GALNT17: variants seen among roughly 807,000 people sequenced by gnomAD.
GALNT17 encodes polypeptide N-acetylgalactosaminyltransferase 17, also known as UDP-GalNAc:polypeptide N-acetylgalactosaminyltransferase-like 3.
In GALNT17, 29 loss-of-function variants were observed where a neutral mutation model predicts 63.7. That is an observed-to-expected ratio of 0.46 (90% CI 0.34 to 0.62). The LOEUF (loss-of-function observed/expected upper bound fraction) is 0.62. Among genes scored for constraint, GALNT17 ranks in the 20% least tolerant of loss-of-function variants. The pLI is 0.01. For synonymous variants in GALNT17, 305 were observed against 318.3 expected (o/e 0.96, Z 0.45); for missense variants, 603 against 799.6 (o/e 0.75, Z 2.97).
At position 71,266,684 on chromosome 7, in the gene GALNT17, A is replaced by G. The variant is rs576234762; in HGVS notation, c.239-68866A>G. 3.4e-4 allele frequency among the ~76,000 whole-genome samples: 51 copies of G among 152,206 alleles called. No individual in the cohort carries two copies. In the South Asian group the frequency reaches 8.9e-3, roughly 27 times the overall value. Reference sequence around the variant, plus strand: ...ACAGTTTTTGGGGGTTAGAATGTGGATATCTATAGGGGGTCATGATTGAGC... The same window carrying G: ...ACAGTTTTTGGGGGTTAGAATGTGGGTATCTATAGGGGGTCATGATTGAGC... On this transcript the variant is annotated intron_variant, in intron 1 of 10. Transcript: ENST00000333538.
At chr7:71,413,190 G>A (rs965351824) in intron 3 of GALNT17, among the ~76,000 whole-genome samples, 3 of 152,144 alleles carry the variant, frequency 2.0e-5, no homozygotes. Flanking sequence ...AATAGTGAGA[G>A]CTCACGTCCA....
intron 5 of GALNT17, among the ~76,000 whole-genome samples, chr7:71,451,483 A>G (rs6945351): frequency 0.59 from 89,603 of 151,924 alleles, 27,262 homozygotes; most frequent in Non-Finnish European, 0.66. Context: ...CTCCTTTAAA[A>G]TGAGATTAAT....
At chr7:71,301,057 G>A (rs1394580164) in intron 1 of GALNT17, 1 of 152,140 alleles carries the variant, frequency 6.6e-6, no homozygotes, top group Non-Finnish European at 1.5e-5. Context: ...GGAGGCAGAG[G>A]TGGGAGGATC....
intron 6 of GALNT17, among the ~76,000 whole-genome samples, chr7:71,589,068 G>A (rs1789761464): frequency 6.6e-6 from 1 of 152,140 alleles, no homozygotes; most frequent in Non-Finnish European, 1.5e-5. Context: ...GGAGGTAGCA[G>A]AGAACAGAAT....
At chr7:71,301,815 A>C (rs1042131063) in intron 1 of GALNT17, among the ~76,000 whole-genome samples, 1 of 152,244 alleles carries the variant, frequency 6.6e-6, no homozygotes, top group African/African-American at 2.4e-5. Context: ...CAAAGTACAC[A>C]AAGGCAAAAA....
chr7:71,155,141 T>C (rs1351622236), intron 1 of GALNT17, among the ~76,000 whole-genome samples: 12 of 151,736 alleles, frequency 7.9e-5, no homozygotes, highest in Admixed American at 7.9e-4. Context: ...GTGTAATGGC[T>C]CCCTCCCCGT....
At chr7:71,306,539 A>G (rs1451252698) in intron 1 of GALNT17, among the ~76,000 whole-genome samples, 1 of 152,186 alleles carries the variant, frequency 6.6e-6, no homozygotes, top group Non-Finnish European at 1.5e-5. Flanking sequence ...CTCAAAGTTC[A>G]TTCAAGTTGT....
At chr7:71,237,628 C>T (rs1349744179) in intron 1 of GALNT17, among the ~76,000 whole-genome samples, 3 of 151,876 alleles carry the variant, frequency 2.0e-5, no homozygotes, top group African/African-American at 4.8e-5. Context: ...GAGGCTACTG[C>T]GAGTTATAAT....
At chr7:71,589,041 C>T (rs1268264143) in intron 6 of GALNT17, among the ~76,000 whole-genome samples, 2 of 152,104 alleles carry the variant, frequency 1.3e-5, no homozygotes, top group African/African-American at 4.8e-5. Context: ...GAAACACCAG[C>T]ACTGTTATTA....
intron 1 of GALNT17, among the ~76,000 whole-genome samples, chr7:71,314,085 AC>A (rs549832609): frequency 1.1e-3 from 171 of 152,264 alleles, no homozygotes; most frequent in South Asian, 8.9e-3. Context: ...GGCGAATGTT[AC>A]CCTTCATTCT....
intron 6 of GALNT17, among the ~76,000 whole-genome samples, chr7:71,590,796 C>T (rs1448946336): frequency 3.3e-5 from 5 of 152,056 alleles, no homozygotes; most frequent in South Asian, 2.1e-4. Context: ...GGCTCGATCT[C>T]GGCTCACTGG....
At chr7:71,632,300 G>A (rs904598615) in intron 6 of GALNT17, among the ~76,000 whole-genome samples, 3 of 152,164 alleles carry the variant, frequency 2.0e-5, no homozygotes, top group Non-Finnish European at 2.9e-5. Context: ...GGTGCCGGGA[G>A]CACTGGGATC....
chr7:71,223,260 G>A (rs1401273275), intron 1 of GALNT17, among the ~76,000 whole-genome samples: 1 of 152,102 alleles, frequency 6.6e-6, no homozygotes, highest in East Asian at 1.9e-4. Flanking sequence ...TCTAAGTGGT[G>A]CGTTTCTAGC....
chr7:71,428,672 C>T (rs1275512299), intron 5 of GALNT17, among the ~76,000 whole-genome samples: 6 of 152,128 alleles, frequency 3.9e-5, no homozygotes, highest in Admixed American at 1.3e-4. Context: ...CTCTTGACCT[C>T]GTGATCTGCC....
intron 8 of GALNT17, among the ~76,000 whole-genome samples, chr7:71,671,316 C>T (rs191270290): frequency 1.3e-5 from 2 of 152,234 alleles, no homozygotes; most frequent in African/African-American, 4.8e-5. Flanking sequence ...GCTCTGCAAT[C>T]GGGTTTTCTT....
chr7:71,242,288 GAGAC>G (rs1176909907), intron 1 of GALNT17, among the ~76,000 whole-genome samples: 2 of 23,560 alleles, frequency 8.5e-5, no homozygotes, highest in Non-Finnish European at 2.0e-4. Flanking sequence ...TTTTTTTTTT[GAGAC>G]AGAGTCTCAC....
chr7:71,183,728 C>CCT (rs879688201), intron 1 of GALNT17, among the ~76,000 whole-genome samples: 286 of 151,556 alleles, frequency 1.9e-3, no homozygotes, highest in Middle Eastern at 0.01. Context: ...GAAACCCCCA[C>CCT]TGTACGAAAA....
chr7:71,590,627 AG>A (rs2116915439), intron 6 of GALNT17, among the ~76,000 whole-genome samples: 1 of 152,322 alleles, frequency 6.6e-6, no homozygotes, highest in South Asian at 2.1e-4. Flanking sequence ...CCACAGAAAA[AG>A]GGAGGGGACT....
chr7:71,239,701 A>G (rs915160378), intron 1 of GALNT17, among the ~76,000 whole-genome samples: 31 of 152,142 alleles, frequency 2.0e-4, no homozygotes, highest in African/African-American at 7.0e-4. Context: ...AGAGCTTGGG[A>G]TTGTTTTTCA....
Sources: gnomAD v4.1 joint callset for allele counts (sites outside exome capture counted in the v4.1 genomes callset) on GRCh38, gnomAD v4.1.1 for gene constraint, MANE v1.5 for transcripts, NCBI Gene and HGNC (gene_info 2026-07-23, HGNC 2026-07-21) for gene names.